Variants in USP47 observed in about 807,000 individuals in gnomAD.
USP47 encodes the protein ubiquitin specific peptidase 47, also known as ubiquitin carboxyl-terminal hydrolase 47.
USP47 carries 35 observed loss-of-function variants against 165.1 expected under a neutral mutation model. The ratio of observed to expected loss-of-function variants is 0.21; its 90% confidence interval spans 0.16 to 0.28. USP47 has a LOEUF of 0.28. Ranked by LOEUF, USP47 falls within the 10% of genes least tolerant of loss-of-function variation. The pLI is 1.00. For missense variants in USP47, 1,277 were observed against 1,607.4 expected (o/e 0.79, Z 3.52); for synonymous variants, 531 against 544.5 (o/e 0.98, Z 0.35).
chr11:11,880,392 G>T lies in USP47; in HGVS notation c.243+12G>T, dbSNP rs1850750742. ...ATACTGCTGATATGGTAAAATCCTA[G>T]ACTTAAGCTTCTAAAAATGTTATTA... On this transcript the variant is annotated intron_variant, in intron 2 of 27. Coordinates refer to ENST00000527733, the MANE Select transcript of USP47 (RefSeq NM_001282659.2). 1.6e-6 allele frequency: 2 copies of T among 1,275,990 alleles called. No homozygotes were observed. The highest frequency in any genetic ancestry group is 2.9e-5 in the South Asian group (1 of 34,240). 79.0% of individuals were successfully genotyped at this position (1,275,990 alleles called of 1,614,324 possible).
At chr11:11,872,014 T>C (rs1850100498) in intron 1 of USP47, among the ~76,000 whole-genome samples, 1 of 152,228 alleles carries the variant, frequency 6.6e-6, no homozygotes, top group Non-Finnish European at 1.5e-5. Context: ...TGATTATCTT[T>C]TGCTATATAA....
At position 11,958,668 on chromosome 11, in the gene USP47, T is replaced by G. The variant is rs1456506137; in HGVS notation, c.*2493T>G. The G allele has an allele frequency of 6.6e-6, 1 of 152,218 alleles. No individual in the cohort carries two copies. The highest frequency in any genetic ancestry group is 1.9e-4 in the East Asian group (1 of 5,194). The allele number at this position is 152,218 out of a possible 1,614,324, so 9.4% of individuals were successfully genotyped here. ...GGGGCAGATGAACTTGTGTCAACCA[T>G]GCACACCCTGTGAGAACCAAGTACC... is the stretch of plus-strand genomic sequence containing the variant. On this transcript the variant is annotated 3_prime_UTR_variant, in exon 28 of 28. Coordinates refer to ENST00000527733, the MANE Select transcript of USP47 (RefSeq NM_001282659.2).
At position 11,933,817 on chromosome 11, in the gene USP47, T is replaced by A; in HGVS notation, c.1765-14T>A. Reference sequence around the variant, plus strand: ...GGAACTGCAGAGTTGATGATGATATTTTACATTTTCTAGATAAAATTATTC... The same window carrying A: ...GGAACTGCAGAGTTGATGATGATATATTACATTTTCTAGATAAAATTATTC... On this transcript the variant is annotated splice_polypyrimidine_tract_variant and intron_variant, in intron 15 of 27. Transcript: ENST00000527733. 6.4e-7 allele frequency: 1 copy of A among 1,564,206 alleles called. No homozygotes were observed. Among genetic ancestry groups the A allele is most frequent in the Non-Finnish European group, 8.8e-7 (1 of 1,138,520 alleles).
chr11:11,903,489 C>T, intron 7 of USP47, 147 bp downstream of exon 7: 2 of 696,252 alleles, frequency 2.9e-6, no homozygotes, highest in Non-Finnish European at 4.7e-6. Context: ...GTACTGAGTT[C>T]TCATTTAGCC....
intron 1 of USP47, among the ~76,000 whole-genome samples, chr11:11,857,519 C>T (rs976326029): frequency 6.6e-6 from 1 of 152,118 alleles, no homozygotes; most frequent in East Asian, 1.9e-4. Context: ...GAAAAGTAGA[C>T]GTGACACAAA....
chr11:11,869,261 T>C (rs868144318), intron 1 of USP47, among the ~76,000 whole-genome samples: 1 of 152,154 alleles, frequency 6.6e-6, no homozygotes, highest in Non-Finnish European at 1.5e-5. Context: ...TCCATTTATG[T>C]TTATGATCCA....
At chr11:11,923,038 GTACATA>G (rs1382953071) in intron 11 of USP47, 147 bp downstream of exon 11, 2 of 116,078 alleles carry the variant, frequency 1.7e-5, no homozygotes, top group African/African-American at 9.6e-5. Context: ...TAGTTTTTTT[GTACATA>G]TATATATATA....
At chr11:11,933,213 A>G in intron 15 of USP47, 97 bp downstream of exon 15, 1 of 946,778 alleles carries the variant, frequency 1.1e-6, no homozygotes, top group South Asian at 1.5e-5. Context: ...ATTCTGAGAC[A>G]ATTATGCTAT....
chr11:11,938,347 C>A lies in USP47; in HGVS notation c.2168C>A (p.Thr723Lys), dbSNP rs769711308. 5 of 1,611,832 alleles carry A rather than the reference C, an allele frequency of 3.1e-6. No individual in the cohort carries two copies. Among genetic ancestry groups the A allele is most frequent in the Non-Finnish European group, 1.7e-6 (2 of 1,178,654 alleles). ...TVRAYLNQTV[T>K]EFKQLISKAI... ...CGTGCTTACTTAAATCAGACAGTTA[C>A]AGAATTCAAACAACTGATTTCAAAG... is the stretch of plus-strand genomic sequence containing the variant. Residue 723 changes from threonine (T) to lysine (K), a missense_variant, in exon 18 of 28, where the codon ACA (threonine) becomes AAA (lysine). By Grantham distance (78) the Thr-to-Lys change is moderately conservative. Around this residue, in one of 4 missense-constraint regions of USP47, gnomAD observed 909 missense variants for 1,068.1 expected, o/e 0.85. Transcript: ENST00000527733.
intron 8 of USP47, among the ~76,000 whole-genome samples, chr11:11,917,285 T>C (rs1185121370): frequency 1.3e-5 from 2 of 152,190 alleles, no homozygotes; most frequent in Admixed American, 6.5e-5. Context: ...TTCTTAATTA[T>C]GACAGCTATA....
intron 5 of USP47, 41 bp downstream of exon 5, chr11:11,897,734 G>T: frequency 1.4e-6 from 2 of 1,380,474 alleles, no homozygotes; most frequent in Non-Finnish European, 1.0e-6. Context: ...ATTGATTTAA[G>T]AATGAAAATA....
chr11:11,895,340 T>C (rs1851781403), intron 4 of USP47, among the ~76,000 whole-genome samples: 2 of 152,158 alleles, frequency 1.3e-5, no homozygotes, highest in Admixed American at 6.6e-5. Flanking sequence ...GTTCTAGGGG[T>C]CCTGCCTTCC....
At chr11:11,845,415 T>C (rs1476796277) in intron 1 of USP47, among the ~76,000 whole-genome samples, 3 of 152,214 alleles carry the variant, frequency 2.0e-5, no homozygotes, top group African/African-American at 7.2e-5. Flanking sequence ...CTGACCATTT[T>C]AACCTTAGAG....
chr11:11,948,349 A>C, intron 21 of USP47, 129 bp from the exon 22 acceptor site: 1 of 864,352 alleles, frequency 1.2e-6, no homozygotes, highest in Non-Finnish European at 1.8e-6. Context: ...GGGGATTCAG[A>C]GGTAAAAGAT....
intron 3 of USP47, among the ~76,000 whole-genome samples, chr11:11,888,138 A>T (rs1483952947): frequency 1.3e-5 from 2 of 152,180 alleles, no homozygotes; most frequent in Admixed American, 1.3e-4. Flanking sequence ...ACAACCTAAC[A>T]TTACAACTAA....
chr11:11,954,918 C>T lies in USP47; in HGVS notation c.3736C>T (p.Pro1246Ser). The T allele has an allele frequency of 6.2e-7, 1 of 1,613,716 alleles. No individual in the cohort carries two copies. Among genetic ancestry groups the T allele is most frequent in the Admixed American group, 1.7e-5 (1 of 60,008 alleles). Residue 1246 changes from proline (P) to serine (S), a missense_variant, in exon 26 of 28, where the codon CCT becomes TCT. Around this residue, in one of 4 missense-constraint regions of USP47, gnomAD observed 909 missense variants for 1,068.1 expected, o/e 0.85. Coordinates refer to ENST00000527733, the MANE Select transcript of USP47 (RefSeq NM_001282659.2). ...REKLSEISGIPLDDIEFAKGR... is the reference protein window; with the variant it reads ...REKLSEISGISLDDIEFAKGR... ...ACAGCTTAGTGAAATCAGTGGGATT[C>T]CTTTGGATGATATTGAATTTGCTAA...
intron 8 of USP47, among the ~76,000 whole-genome samples, chr11:11,913,271 A>AC (rs964333023): frequency 6.6e-6 from 1 of 151,202 alleles, no homozygotes; most frequent in African/African-American, 2.4e-5. Context: ...AAAAAAAAAA[A>AC]AAAAAACAAC....
chr11:11,925,669 T>C (rs1385494784), intron 11 of USP47, among the ~76,000 whole-genome samples: 1 of 151,976 alleles, frequency 6.6e-6, no homozygotes, highest in Non-Finnish European at 1.5e-5. Context: ...ATTTTCTACA[T>C]ACAAGATTGT....
chr11:11,861,302 G>C (rs1422951195), intron 1 of USP47, among the ~76,000 whole-genome samples: 2 of 152,056 alleles, frequency 1.3e-5, no homozygotes, highest in Non-Finnish European at 2.9e-5. Flanking sequence ...CACCATGTTG[G>C]CTAGGGTGGT....
Sources: gnomAD v4.1 joint callset for allele counts (sites outside exome capture counted in the v4.1 genomes callset) on GRCh38, gnomAD v4.1.1 for gene constraint, gnomAD v4.1.1 regional missense constraint, MANE v1.5 for transcripts, NCBI Gene and HGNC (gene_info 2026-07-23, HGNC 2026-07-21) for gene names.